The following BACH2 variants were observed in gnomAD, a reference collection of about 807,000 sequenced individuals.
BACH2 encodes the protein BACH transcriptional regulator 2, also known as transcription regulator protein BACH2.
A neutral mutation model predicts 61.8 loss-of-function variants in BACH2; 5 were observed. That is an observed-to-expected ratio of 0.08 (90% CI 0.04 to 0.17). The LOEUF is 0.17. BACH2 is among the 10% of genes least tolerant of loss of function. The pLI, the probability that BACH2 is intolerant of heterozygous loss-of-function variation, is 1.00. For missense variants in BACH2, 824 were observed against 1,091.1 expected, an observed-to-expected ratio of 0.76 and a Z score of 3.45; for synonymous variants, 446 against 440.1, an observed-to-expected ratio of 1.01 and a Z score of -0.17.
chr6:90,282,270 C>T (rs1215846884), intron 1 of BACH2, among the ~76,000 whole-genome samples: 2 of 152,096 alleles, frequency 1.3e-5, no homozygotes, highest in African/African-American at 2.4e-5. Context: ...AGGTATTAGG[C>T]CTGGTATCCA....
intron 6 of BACH2, among the ~76,000 whole-genome samples, chr6:89,964,130 G>A (rs543104290): frequency 9.9e-5 from 15 of 151,252 alleles, no homozygotes; most frequent in South Asian, 8.3e-4. Context: ...TGGGTGCAGC[G>A]CACCAGCATG....
intron 6 of BACH2, among the ~76,000 whole-genome samples, chr6:90,000,690 T>G (rs1294066319): frequency 6.6e-6 from 1 of 152,232 alleles, no homozygotes; most frequent in Admixed American, 6.5e-5. Flanking sequence ...TTTCTCAAAA[T>G]CTTAACACCT....
chr6:90,151,199 T>G (rs1339785685), intron 4 of BACH2, among the ~76,000 whole-genome samples: 1 of 152,218 alleles, frequency 6.6e-6, no homozygotes, highest in Non-Finnish European at 1.5e-5. Context: ...GTTTTAAAAC[T>G]GACAAATGTC....
intron 6 of BACH2, among the ~76,000 whole-genome samples, chr6:89,960,189 C>A (rs1378042937): frequency 6.6e-6 from 1 of 152,188 alleles, no homozygotes; most frequent in Non-Finnish European, 1.5e-5. Flanking sequence ...TTTTCCAACA[C>A]CTGTGTAACC....
At chr6:90,278,370 G>T (rs1254489927) in intron 1 of BACH2, among the ~76,000 whole-genome samples, 1 of 152,222 alleles carries the variant, frequency 6.6e-6, no homozygotes, top group Non-Finnish European at 1.5e-5. Flanking sequence ...CATTCCTCTG[G>T]TGGGACACCC....
chr6:90,036,278 C>G (rs1398286013), intron 5 of BACH2, among the ~76,000 whole-genome samples: 5 of 151,410 alleles, frequency 3.3e-5, no homozygotes, highest in African/African-American at 1.2e-4. Flanking sequence ...CCCAGCAGGG[C>G]AGTAAAACAG....
chr6:90,059,003 C>T (rs1023743323), intron 5 of BACH2, among the ~76,000 whole-genome samples: 3 of 152,090 alleles, frequency 2.0e-5, no homozygotes, highest in African/African-American at 4.8e-5. Context: ...AAATGTTAGA[C>T]CTAAAACCAT....
intron 4 of BACH2, among the ~76,000 whole-genome samples, chr6:90,199,435 C>T (rs958944910): frequency 1.3e-5 from 2 of 152,176 alleles, no homozygotes; most frequent in African/African-American, 4.8e-5. Flanking sequence ...TATATGCATG[C>T]ACGCATTTTA....
chr6:90,031,681 G>A (rs1478219105), intron 5 of BACH2, among the ~76,000 whole-genome samples: 1 of 152,066 alleles, frequency 6.6e-6, no homozygotes, highest in Admixed American at 6.6e-5. Context: ...AGAACTACAA[G>A]CCACTGCTCA....
At chr6:90,157,062 C>T (rs1355696856) in intron 4 of BACH2, among the ~76,000 whole-genome samples, 2 of 152,222 alleles carry the variant, frequency 1.3e-5, no homozygotes, top group Non-Finnish European at 2.9e-5. Context: ...GGCTCACAAA[C>T]AGGAAATTGC....
At chr6:90,022,829 G>A (rs1412454499) in intron 5 of BACH2, among the ~76,000 whole-genome samples, 2 of 152,130 alleles carry the variant, frequency 1.3e-5, no homozygotes, top group Non-Finnish European at 2.9e-5. Context: ...CAAAGTTGAA[G>A]ATATGCATAG....
chr6:90,261,265 G>C (rs139874741), intron 2 of BACH2, among the ~76,000 whole-genome samples: 1 of 152,104 alleles, frequency 6.6e-6, no homozygotes, highest in East Asian at 1.9e-4. Context: ...CGTGCCATCA[G>C]ATCTGCTTAG....
chr6:90,117,059 A>C (rs1039117219), intron 4 of BACH2: 11 of 319,902 alleles, frequency 3.4e-5, no homozygotes, highest in African/African-American at 2.4e-4. Context: ...GCCATTGTTC[A>C]GAAGAAAGCA....
At chr6:90,155,027 AG>A (rs1034007217) in intron 4 of BACH2, among the ~76,000 whole-genome samples, 64 of 152,380 alleles carry the variant, frequency 4.2e-4, no homozygotes, top group African/African-American at 1.5e-3. Context: ...AGGGAGAGCT[AG>A]GGATCATAAA....
At chr6:90,222,943 G>A (rs1029800491) in intron 3 of BACH2, among the ~76,000 whole-genome samples, 11 of 152,104 alleles carry the variant, frequency 7.2e-5, no homozygotes, top group Non-Finnish European at 1.2e-4. Context: ...CCACTCTGGC[G>A]CGCACCCCTG....
Position 90,008,963 on chromosome 6 carries a change from AC to A in BACH2, c.-12-108del, listed in dbSNP as rs552172819. On this transcript the variant is annotated intron_variant, in intron 5 of 8. Coordinates refer to ENST00000257749, the MANE Select transcript of BACH2 (RefSeq NM_021813.4). The surrounding 1 kb of genome is among the most constrained non-coding windows in gnomAD (Gnocchi z 4.1). Reference sequence around the variant, plus strand: ...AAGAACATCATGGTTCCTGTGTCCCACTGCCATGAGCATGGCAGGAAGGAGG... The same window carrying A: ...AAGAACATCATGGTTCCTGTGTCCCATGCCATGAGCATGGCAGGAAGGAGG... 97 of 1,357,026 alleles carry A rather than the reference AC, an allele frequency of 7.1e-5. No individual in the cohort carries two copies. The African/African-American group carries it at 9.1e-4, about 13-fold the overall frequency. The allele number at this position is 1,357,026 out of a possible 1,614,324, so 84.1% of individuals were successfully genotyped here.
chr6:90,073,870 G>A (rs574961438), intron 5 of BACH2, among the ~76,000 whole-genome samples: 14 of 152,188 alleles, frequency 9.2e-5, no homozygotes, highest in Middle Eastern at 3.4e-3. Context: ...TTAAAACTTC[G>A]TCTTGAATCT....
rs945342807 is a variant in BACH2 at position 89,972,679 on chromosome 6, G to A, written c.244-20817C>T. On this transcript the variant is annotated intron_variant, in intron 6 of 8. Transcript: ENST00000257749. ...AAATGGACACCTTTGATGTCAGTCT[G>A]TTGTTTCAGTTTCTGCCTAATGTAG... is the stretch of plus-strand genomic sequence containing the variant. Among the ~76,000 whole-genome samples, 5 of 152,254 alleles carry A rather than the reference G, an allele frequency of 3.3e-5. No homozygotes were observed. In the South Asian group the frequency reaches 8.3e-4, roughly 25 times the overall value.
chr6:90,246,766 C>G (rs1270213823), intron 3 of BACH2, among the ~76,000 whole-genome samples: 3 of 152,064 alleles, frequency 2.0e-5, no homozygotes, highest in Non-Finnish European at 2.9e-5. Context: ...AATCATATTT[C>G]AAAACAAATT....
Sources: gnomAD v4.1 joint callset for allele counts (sites outside exome capture counted in the v4.1 genomes callset) on GRCh38, gnomAD v4.1.1 for gene constraint, Gnocchi (gnomAD v3.1) non-coding constraint, MANE v1.5 for transcripts, NCBI Gene and HGNC (gene_info 2026-07-23, HGNC 2026-07-21) for gene names.